EYA1: variants seen among roughly 807,000 people sequenced by gnomAD.
The protein encoded by EYA1 is EYA transcriptional coactivator and phosphatase 1, also known as protein phosphatase EYA1.
EYA1 carries 16 observed loss-of-function variants against 82.0 expected under a neutral mutation model. The ratio of observed to expected loss-of-function variants is 0.20; its 90% CI spans 0.13 to 0.30. EYA1 has a LOEUF of 0.30. Ranked by LOEUF, EYA1 falls within the 10% of genes least tolerant of loss-of-function variation. The pLI is 1.00. For synonymous variants in EYA1, 261 were observed against 264.4 expected, an observed-to-expected ratio of 0.99 and a Z score of 0.12; for missense variants, 633 against 730.7, an observed-to-expected ratio of 0.87 and a Z score of 1.54.
intron 1 of EYA1, among the ~76,000 whole-genome samples, chr8:71,543,019 T>C (rs532334807): frequency 6.6e-6 from 1 of 152,310 alleles, no homozygotes; most frequent in African/African-American, 2.4e-5. Flanking sequence ...GTTCACTCTG[T>C]TGACAGTTTC....
chr8:71,498,685 A>G (rs940685027), intron 2 of EYA1, among the ~76,000 whole-genome samples: 1 of 152,202 alleles, frequency 6.6e-6, no homozygotes, highest in Non-Finnish European at 1.5e-5. Context: ...GCAGGACCTC[A>G]GGACCTCTTC....
chr8:71,533,660 C>T (rs1246691525), intron 2 of EYA1, among the ~76,000 whole-genome samples: 1 of 152,180 alleles, frequency 6.6e-6, no homozygotes, highest in Admixed American at 6.5e-5. Flanking sequence ...TTGAGCCTCT[C>T]TCCCCCACTT....
At chr8:71,378,429 T>C (rs1471597687) in intron 2 of EYA1, among the ~76,000 whole-genome samples, 1 of 152,108 alleles carries the variant, frequency 6.6e-6, no homozygotes, top group Non-Finnish European at 1.5e-5. Context: ...TGAATTCAGG[T>C]TTGAACCTCT....
chr8:71,277,257 T>TCTCTCAAG, intron 9 of EYA1, among the ~76,000 whole-genome samples: 1 of 150,524 alleles, frequency 6.6e-6, no homozygotes. Flanking sequence ...GCAATATATA[T>TCTCTCAAG]CTCTCAAGCT....
intron 8 of EYA1, 58 bp from the exon 9 acceptor site, chr8:71,299,291 A>G: frequency 6.5e-7 from 1 of 1,533,892 alleles, no homozygotes; most frequent in Admixed American, 1.7e-5. Flanking sequence ...TATCTCTTAC[A>G]TATCAAAGTG....
At chr8:71,250,921 G>C (rs1177585047) in intron 11 of EYA1, among the ~76,000 whole-genome samples, 1 of 152,192 alleles carries the variant, frequency 6.6e-6, no homozygotes, top group Non-Finnish European at 1.5e-5. Context: ...TTAGCTGTTA[G>C]TGTTGTCAGT....
intron 3 of EYA1, among the ~76,000 whole-genome samples, chr8:71,340,756 C>G (rs1825032669): frequency 6.6e-6 from 1 of 152,168 alleles, no homozygotes; most frequent in Non-Finnish European, 1.5e-5. Context: ...AAATGATCCT[C>G]TAAGACCAAA....
At position 71,199,214 on chromosome 8, in the gene EYA1, C is replaced by T. The variant is rs1806610604; in HGVS notation, c.*126G>A. ...CCACAAAGGCAGAGGTCAAGACTGA[C>T]AGCAACTGCGCATCACCAGGCGGAA... On this transcript the variant is annotated 3_prime_UTR_variant, in exon 18 of 18. Coordinates refer to ENST00000340726, the MANE Select transcript of EYA1 (RefSeq NM_000503.6). 1 of 721,010 alleles carries T rather than the reference C, an allele frequency of 1.4e-6. No homozygotes were observed. The highest frequency in any genetic ancestry group is 2.5e-6 in the Non-Finnish European group (1 of 403,474). The allele number at this position is 721,010 out of a possible 1,614,324, so 44.7% of individuals were successfully genotyped here. A position where few individuals can be genotyped will look rare whatever the true frequency, so the allele number is the denominator to read the frequency against.
intron 2 of EYA1, among the ~76,000 whole-genome samples, chr8:71,381,961 G>A (rs889578088): frequency 6.6e-6 from 1 of 152,192 alleles, no homozygotes; most frequent in African/African-American, 2.4e-5. Flanking sequence ...TAATGCCTGA[G>A]GCACTTAAAA....
intron 2 of EYA1, among the ~76,000 whole-genome samples, chr8:71,513,170 C>T (rs544117010): frequency 1.8e-3 from 276 of 152,088 alleles, no homozygotes; most frequent in African/African-American, 6.3e-3. Flanking sequence ...TGAAAAATTA[C>T]GCCACTAAAA....
chr8:71,333,948 A>G lies in EYA1; in HGVS notation c.202+149T>C. ...ATTGGTAATATGTGACTCTGAGCAA[A>G]GCTATTTTATATGTATATATACATA... is the stretch of plus-strand genomic sequence containing the variant. On this transcript the variant is annotated intron_variant, in intron 4 of 17. Transcript: ENST00000340726. 3 of 644,178 alleles carry G rather than the reference A, an allele frequency of 4.7e-6. No individual in the cohort carries two copies. In the South Asian group the frequency reaches 5.4e-5, roughly 12 times the overall value. The allele number at this position is 644,178 out of a possible 1,614,324, so 39.9% of individuals were successfully genotyped here.
In EYA1 at chr8:71,320,711, TTTTG is replaced by T. The variant is rs567554102; in HGVS notation, c.418+1019_418+1022del. 4.7e-4 allele frequency among the ~76,000 whole-genome samples: 71 copies of T among 152,218 alleles called. No homozygotes were observed. The East Asian group carries it at 0.012, about 25-fold the overall frequency. ...TTATAAGAAATTCATATACAGTTGATTTTGTTTGAGATAGAATTAAAAGGAATAA... is the reference window on the plus strand; with the variant it reads ...TTATAAGAAATTCATATACAGTTGATTTTGAGATAGAATTAAAAGGAATAA... On this transcript the variant is annotated intron_variant, in intron 6 of 17. Transcript: ENST00000340726.
rs111975330 is a variant in EYA1 at position 71,318,509 on chromosome 8, A to G, written c.419-820T>C. Among the ~76,000 whole-genome samples, 1,111 of 152,284 alleles carry G rather than the reference A, an allele frequency of 7.3e-3. 13 individuals are homozygous for G. The highest frequency in any genetic ancestry group is 0.025 in the African/African-American group (1,058 of 41,548). ...ATACTTCCCCAAACACCAGGCTAAC[A>G]TCGTAATTTTGGGACTTGGATTTGG... On this transcript the variant is annotated intron_variant, in intron 6 of 17. Coordinates refer to ENST00000340726, the MANE Select transcript of EYA1 (RefSeq NM_000503.6).
At chr8:71,509,675 AAG>A (rs1450789705) in intron 2 of EYA1, among the ~76,000 whole-genome samples, 8 of 152,210 alleles carry the variant, frequency 5.3e-5, no homozygotes, top group African/African-American at 1.9e-4. Context: ...AAAATATAAA[AAG>A]AAAATATTTT....
At chr8:71,408,462 T>C (rs1586657353) in intron 2 of EYA1, among the ~76,000 whole-genome samples, 2 of 112,710 alleles carry the variant, frequency 1.8e-5, no homozygotes, top group African/African-American at 7.1e-5. Context: ...ATCAGTGTGC[T>C]GTATTCAGGA....
At chr8:71,464,159 G>C (rs1808614061) in intron 2 of EYA1, among the ~76,000 whole-genome samples, 1 of 152,110 alleles carries the variant, frequency 6.6e-6, no homozygotes, top group African/African-American at 2.4e-5. Flanking sequence ...CCCGAGGACT[G>C]CATGCTTCCA....
chr8:71,269,026 T>C (rs1816199781), intron 11 of EYA1, among the ~76,000 whole-genome samples: 2 of 152,196 alleles, frequency 1.3e-5, no homozygotes, highest in Non-Finnish European at 2.9e-5. Context: ...CTTGAGAAAT[T>C]ACCTATAGCT....
chr8:71,535,675 C>A, intron 2 of EYA1: 1 of 1,136,526 alleles, frequency 8.8e-7, no homozygotes, highest in Non-Finnish European at 1.2e-6. Context: ...ACTCGGGTTA[C>A]AATAAAAATG....
chr8:71,221,042 C>G (rs1029903337), intron 12 of EYA1, among the ~76,000 whole-genome samples: 9 of 152,166 alleles, frequency 5.9e-5, no homozygotes, highest in African/African-American at 1.9e-4. Flanking sequence ...CAGAACTTCC[C>G]TAGGATCCAA....
Sources: allele counts gnomAD v4.1 joint callset (sites outside exome capture counted in the v4.1 genomes callset), GRCh38; gene constraint gnomAD v4.1.1; transcripts MANE v1.5; gene names NCBI Gene and HGNC (gene_info 2026-07-23, HGNC 2026-07-21).